Variants in DIS3L2 observed in about 807,000 individuals in gnomAD.
DIS3L2 encodes DIS3-like exonuclease 2.
Under a neutral mutation model 97.5 loss-of-function variants are expected in DIS3L2, and 34 were observed. The ratio of observed to expected loss-of-function variants is 0.35; its 90% CI spans 0.27 to 0.46. The LOEUF (loss-of-function observed/expected upper bound fraction) is 0.46, where lower values mean the gene tolerates loss of function less well. DIS3L2 is among the 20% of genes least tolerant of loss of function. DIS3L2 has a pLI of 1.00. For synonymous variants in DIS3L2, 435 were observed against 445.2 expected, an observed-to-expected ratio of 0.98 and a Z score of 0.29; for missense variants, 1,038 against 1,146.0, an observed-to-expected ratio of 0.91 and a Z score of 1.36.
intron 13 of DIS3L2, among the ~76,000 whole-genome samples, chr2:232,342,236 C>CATAT (rs1164016509): frequency 6.7e-6 from 1 of 148,812 alleles, no homozygotes; most frequent in South Asian, 2.1e-4. Context: ...CATATATACA[C>CATAT]ATACACATAT....
At chr2:232,065,131 A>G (rs1409002107) in intron 5 of DIS3L2, among the ~76,000 whole-genome samples, 1 of 151,960 alleles carries the variant, frequency 6.6e-6, no homozygotes, top group Non-Finnish European at 1.5e-5. Flanking sequence ...AACTTGATCT[A>G]CCCTCTTACC....
chr2:232,277,168 G>A (rs1357583394), intron 13 of DIS3L2, among the ~76,000 whole-genome samples: 2 of 148,724 alleles, frequency 1.3e-5, no homozygotes, highest in Admixed American at 1.3e-4. Context: ...AGGGAGCTCC[G>A]TGGTGAGGGA....
chr2:232,206,900 GGGAT>G (rs1692041113), intron 9 of DIS3L2, among the ~76,000 whole-genome samples: 1 of 152,146 alleles, frequency 6.6e-6, no homozygotes, highest in Admixed American at 6.6e-5. Flanking sequence ...CACATATGGT[GGGAT>G]CAACTTCAGG....
At chr2:232,242,335 G>A (rs561043773) in intron 11 of DIS3L2, among the ~76,000 whole-genome samples, 16 of 152,328 alleles carry the variant, frequency 1.1e-4, no homozygotes, top group African/African-American at 3.4e-4. Flanking sequence ...TGGCCAATGG[G>A]TTATCGCACT....
chr2:232,171,320 A>G (rs1690983821), intron 9 of DIS3L2, among the ~76,000 whole-genome samples: 1 of 152,204 alleles, frequency 6.6e-6, no homozygotes, highest in Non-Finnish European at 1.5e-5. Flanking sequence ...TTGTGGAACT[A>G]GTATTCCTTA....
At chr2:232,004,505 T>G (rs913194482) in intron 1 of DIS3L2, among the ~76,000 whole-genome samples, 2 of 152,220 alleles carry the variant, frequency 1.3e-5, no homozygotes, top group Non-Finnish European at 2.9e-5. Context: ...GTTTATTCTT[T>G]TACCTCTATT....
At position 232,336,646 on chromosome 2, in the gene DIS3L2, T is replaced by A. The variant is rs771196957; in HGVS notation, c.*16T>A. Reference sequence around the variant, plus strand: ...CACCAGCTGAGCTCCACCAGCCGCCTGCCCCGCCTGCCCCGCCTGCCTGTC... The same window carrying A: ...CACCAGCTGAGCTCCACCAGCCGCCAGCCCCGCCTGCCCCGCCTGCCTGTC... On this transcript the variant is annotated 3_prime_UTR_variant, in exon 21 of 21. Coordinates refer to ENST00000325385, the MANE Select transcript of DIS3L2 (RefSeq NM_152383.5). 1 of 1,499,576 alleles carries A rather than the reference T, an allele frequency of 6.7e-7. No individual in the cohort carries two copies. The highest frequency in any genetic ancestry group is 9.0e-7 in the Non-Finnish European group (1 of 1,115,580). 92.9% of individuals were successfully genotyped at this position (1,499,576 alleles called of 1,614,324 possible).
intron 1 of DIS3L2, among the ~76,000 whole-genome samples, chr2:231,963,574 C>T (rs975699403): frequency 6.6e-6 from 1 of 152,120 alleles, no homozygotes; most frequent in African/African-American, 2.4e-5. Flanking sequence ...ATTTCTTTTG[C>T]TGTGCAGAAG....
intron 1 of DIS3L2, among the ~76,000 whole-genome samples, chr2:231,981,598 T>TTTTATATA (rs1271512116): frequency 4.0e-4 from 34 of 84,054 alleles, no homozygotes; most frequent in East Asian, 9.5e-4. Context: ...GTTAAGTATT[T>TTTTATATA]TATATATATA....
chr2:232,315,214 C>G (rs749179545), intron 14 of DIS3L2, among the ~76,000 whole-genome samples: 1 of 152,176 alleles, frequency 6.6e-6, no homozygotes, highest in Non-Finnish European at 1.5e-5. Context: ...CAGCCCTCCC[C>G]ACCCCCATAC....
At chr2:232,098,767 A>T (rs1017230809) in intron 6 of DIS3L2, among the ~76,000 whole-genome samples, 3 of 152,164 alleles carry the variant, frequency 2.0e-5, no homozygotes, top group Non-Finnish European at 4.4e-5. Flanking sequence ...GGAATTTCTT[A>T]TCTTCTATCT....
At chr2:232,205,016 T>C (rs1691990480) in intron 9 of DIS3L2, among the ~76,000 whole-genome samples, 1 of 152,124 alleles carries the variant, frequency 6.6e-6, no homozygotes, top group South Asian at 2.1e-4. Context: ...TGGAGTCTGC[T>C]GCTACAGTAG....
intron 14 of DIS3L2, among the ~76,000 whole-genome samples, chr2:232,312,103 T>G (rs1695150154): frequency 6.6e-6 from 1 of 152,238 alleles, no homozygotes; most frequent in Non-Finnish European, 1.5e-5. Flanking sequence ...TCTTTGTTGC[T>G]TATACATGTT....
Position 232,022,244 on chromosome 2 carries a change from C to T in DIS3L2, c.211-2033C>T, listed in dbSNP as rs533853240. Among the ~76,000 whole-genome samples the T allele has an allele frequency of 5.3e-5, 8 of 152,222 alleles. No individual in the cohort carries two copies. In the South Asian group the frequency reaches 6.2e-4, roughly 12 times the overall value. ...TGCATTCCCTCAAGGGCTCTGTTTC[C>T]GAGGTCCAGTTCTTCAGAGTTATGC... On this transcript the variant is annotated intron_variant, in intron 3 of 20. Transcript: ENST00000325385.
chr2:232,176,816 A>T (rs1691176893), intron 9 of DIS3L2, among the ~76,000 whole-genome samples: 2 of 149,810 alleles, frequency 1.3e-5, no homozygotes, highest in South Asian at 4.2e-4. Context: ...ATTATTTTTT[A>T]AATTATACTT....
intron 5 of DIS3L2, among the ~76,000 whole-genome samples, chr2:232,041,853 A>G (rs1015446073): frequency 6.6e-6 from 1 of 152,250 alleles, no homozygotes; most frequent in Non-Finnish European, 1.5e-5. Context: ...CTATAATGCT[A>G]GGGACTCATT....
chr2:232,289,520 G>T (rs1350237135), intron 13 of DIS3L2, among the ~76,000 whole-genome samples: 1 of 152,228 alleles, frequency 6.6e-6, no homozygotes, highest in Non-Finnish European at 1.5e-5. Flanking sequence ...TGATCCACCT[G>T]CCTTGGCCTC....
At chr2:232,216,820 C>CCTCCT (rs1204233747) in intron 10 of DIS3L2, among the ~76,000 whole-genome samples, 22 of 147,048 alleles carry the variant, frequency 1.5e-4, no homozygotes, top group Admixed American at 7.5e-4. Context: ...AGGAAGAACA[C>CCTCCT]CTCCTCTCCT....
intron 9 of DIS3L2, among the ~76,000 whole-genome samples, chr2:232,176,784 AATTAATTAATTT>A (rs1691173188): frequency 5.4e-5 from 8 of 148,602 alleles, no homozygotes; most frequent in Non-Finnish European, 1.2e-4. Flanking sequence ...TTAATTAATT[AATTAATTAATTT>A]ATTATTATTA....
Sources: gnomAD v4.1 joint callset for allele counts (sites outside exome capture counted in the v4.1 genomes callset) on GRCh38, gnomAD v4.1.1 for gene constraint, MANE v1.5 for transcripts, NCBI Gene and HGNC (gene_info 2026-07-23, HGNC 2026-07-21) for gene names.